The following IPO11 variants were observed in gnomAD, a reference collection of about 807,000 sequenced individuals.
The protein encoded by IPO11 is importin 11, also known as importin-11.
A neutral mutation model predicts 143.2 loss-of-function variants in IPO11; 66 were observed. The ratio of observed to expected loss-of-function variants is 0.46; its 90% confidence interval spans 0.38 to 0.57. The LOEUF (loss-of-function observed/expected upper bound fraction) is 0.57, where lower values mean the gene tolerates loss of function less well. Among genes scored for constraint, IPO11 ranks in the 20% least tolerant of loss-of-function variants. The pLI is 0.00. For missense variants in IPO11, 1,026 were observed against 1,141.0 expected, an observed-to-expected ratio of 0.90 and a Z score of 1.45; for synonymous variants, 385 against 377.8, an observed-to-expected ratio of 1.02 and a Z score of -0.22.
intron 20 of IPO11, among the ~76,000 whole-genome samples, chr5:62,521,447 T>G (rs1428929026): frequency 1.3e-5 from 2 of 152,130 alleles, no homozygotes; most frequent in African/African-American, 4.8e-5. Flanking sequence ...GCCATTCTAA[T>G]TCTTGATTCT....
At chr5:62,465,305 A>AT (rs1455740815) in intron 5 of IPO11, among the ~76,000 whole-genome samples, 3 of 152,188 alleles carry the variant, frequency 2.0e-5, no homozygotes, top group African/African-American at 7.2e-5. Flanking sequence ...GATGATAGAT[A>AT]TTTTTTCAAT....
chr5:62,452,662 C>CGTGT (rs138539006), intron 5 of IPO11, among the ~76,000 whole-genome samples: 11,397 of 140,126 alleles, frequency 0.081, 660 homozygotes, highest in East Asian at 0.15. Flanking sequence ...GTTTTGGGTT[C>CGTGT]GTGTGTGTGT....
At position 62,440,730 on chromosome 5, in the gene IPO11, G is replaced by A. The variant is rs550221249; in HGVS notation, c.139-2253G>A. ...GTAATCCTAGCACTTTGGGAGGCCA[G>A]GGCAGGTGGATCACCTGAGGTCAGG... On this transcript the variant is annotated intron_variant, in intron 2 of 29. Transcript: ENST00000325324. Among the ~76,000 whole-genome samples, 8 of 152,078 alleles carry A rather than the reference G, an allele frequency of 5.3e-5. No homozygotes were observed. The East Asian group carries it at 7.9e-4, about 15-fold the overall frequency.
intron 16 of IPO11, among the ~76,000 whole-genome samples, chr5:62,501,002 T>C (rs1236514140): frequency 3.9e-5 from 6 of 152,230 alleles, no homozygotes; most frequent in African/African-American, 1.4e-4. Flanking sequence ...TGATGCATAA[T>C]TGTATTGAAT....
Position 62,536,719 on chromosome 5 carries a change from C to T in IPO11, c.2107C>T (p.Leu703Phe). The T allele has an allele frequency of 6.3e-7, 1 of 1,578,250 alleles. No individual in the cohort carries two copies. The highest frequency in any genetic ancestry group is 8.6e-7 in the Non-Finnish European group (1 of 1,167,686). Residue 703 changes from leucine to phenylalanine, a missense_variant, in exon 23 of 30, where the codon CTT becomes TTT. Around this residue, in one of 5 missense-constraint regions of IPO11, gnomAD observed 351 missense variants for 358.9 expected, o/e 0.98. Coordinates refer to ENST00000325324, the MANE Select transcript of IPO11 (RefSeq NM_016338.5). ...TTTGGCAGAACTAAGTTCAGAAAATCTTAGAACTTGCTTTAAGATCATCAA... is the reference window on the plus strand; with the variant it reads ...TTTGGCAGAACTAAGTTCAGAAAATTTTAGAACTTGCTTTAAGATCATCAA... ...SPLLELSSEN[L>F]RTCFKIINGY...
intron 19 of IPO11, among the ~76,000 whole-genome samples, chr5:62,512,983 T>A (rs879943898): frequency 0.01 from 1,486 of 147,872 alleles, no homozygotes; most frequent in East Asian, 0.065. Flanking sequence ...CATGTCTACT[T>A]CTTTCTACAC....
chr5:62,610,246 GATT>G (rs1745878960), intron 29 of IPO11, among the ~76,000 whole-genome samples: 1 of 152,106 alleles, frequency 6.6e-6, no homozygotes, highest in Admixed American at 6.5e-5. Context: ...CTTGCCATCT[GATT>G]ATTTCTTTTT....
intron 27 of IPO11, chr5:62,580,082 A>G (rs1340333669): frequency 1.3e-6 from 2 of 1,551,024 alleles, no homozygotes; most frequent in African/African-American, 1.4e-5. Flanking sequence ...GGAAGTAATA[A>G]TTTAACAAAA....
At chr5:62,431,934 C>CACATGCATACAT (rs1554046950) in intron 1 of IPO11, among the ~76,000 whole-genome samples, 5 of 148,686 alleles carry the variant, frequency 3.4e-5, no homozygotes, top group African/African-American at 1.3e-4. Context: ...GAGCAAGACT[C>CACATGCATACAT]ACATACATAC....
chr5:62,579,944 C>T (rs1744482534), intron 27 of IPO11: 3 of 1,551,268 alleles, frequency 1.9e-6, no homozygotes, highest in Non-Finnish European at 2.6e-6. Flanking sequence ...AATCGCCTCA[C>T]TGTCCTTGGG....
chr5:62,477,695 T>C (rs1270184091), intron 9 of IPO11, among the ~76,000 whole-genome samples: 2 of 152,208 alleles, frequency 1.3e-5, no homozygotes, highest in Non-Finnish European at 2.9e-5. Context: ...TGCCTCACAG[T>C]CCCTACTCAC....
At chr5:62,623,058 A>G (rs1161599223) in intron 29 of IPO11, among the ~76,000 whole-genome samples, 1 of 152,210 alleles carries the variant, frequency 6.6e-6, no homozygotes, top group Non-Finnish European at 1.5e-5. Context: ...CAGAGTTAGG[A>G]GAGTTTATAT....
intron 3 of IPO11, 74 bp from the exon 4 acceptor site, chr5:62,449,853 T>C (rs1744847500): frequency 1.1e-6 from 1 of 919,722 alleles, no homozygotes; most frequent in Non-Finnish European, 1.6e-6. Context: ...TTATTAAAAT[T>C]TACAGTAATG....
intron 1 of IPO11, among the ~76,000 whole-genome samples, chr5:62,416,865 C>A (rs1355725443): frequency 6.6e-6 from 1 of 151,896 alleles, no homozygotes; most frequent in African/African-American, 2.4e-5. Flanking sequence ...GCTGGGACCA[C>A]AGGTGAGGCG....
chr5:62,447,591 CTT>C (rs543600533), intron 3 of IPO11, among the ~76,000 whole-genome samples: 11 of 143,284 alleles, frequency 7.7e-5, no homozygotes, highest in Admixed American at 2.1e-4. Flanking sequence ...TTTTTTTATT[CTT>C]TTTTTTTTTT....
chr5:62,539,989 A>G (rs879336054), intron 24 of IPO11, among the ~76,000 whole-genome samples: 1 of 152,182 alleles, frequency 6.6e-6, no homozygotes, highest in Non-Finnish European at 1.5e-5. Flanking sequence ...TCATTTTGAT[A>G]TTATTGTCTT....
At chr5:62,463,415 G>A (rs976442966) in intron 5 of IPO11, among the ~76,000 whole-genome samples, 3 of 152,024 alleles carry the variant, frequency 2.0e-5, no homozygotes, top group Admixed American at 2.0e-4. Flanking sequence ...TGTAATCCCA[G>A]CACTTTGGGA....
chr5:62,474,494 T>C (rs751556732), intron 8 of IPO11, 30 bp downstream of exon 8: 1 of 1,504,708 alleles, frequency 6.6e-7, no homozygotes, highest in South Asian at 1.2e-5. Flanking sequence ...TCCTTTTTAC[T>C]GTAGAATTTT....
intron 20 of IPO11, among the ~76,000 whole-genome samples, chr5:62,518,665 C>G (rs1309610826): frequency 6.6e-6 from 1 of 152,012 alleles, no homozygotes; most frequent in Non-Finnish European, 1.5e-5. Flanking sequence ...CAAAATACTG[C>G]TATCTTTTGG....
Sources: gnomAD v4.1 joint callset for allele counts (sites outside exome capture counted in the v4.1 genomes callset) on GRCh38, gnomAD v4.1.1 for gene constraint, gnomAD v4.1.1 regional missense constraint, MANE v1.5 for transcripts, NCBI Gene and HGNC (gene_info 2026-07-23, HGNC 2026-07-21) for gene names.